TRIP12: variants seen among roughly 807,000 people sequenced by gnomAD.
TRIP12 encodes E3 ubiquitin-protein ligase TRIP12.
Under a neutral mutation model 244.2 loss-of-function variants are expected in TRIP12, and 25 were observed. That is an observed-to-expected ratio of 0.10 (90% CI 0.07 to 0.14). The LOEUF is 0.14. Ranked by LOEUF, TRIP12 falls within the 10% of genes least tolerant of loss-of-function variation. The probability of loss-of-function intolerance (pLI) is 1.00; values close to 1 mark genes in which losing one functional copy is unlikely to be tolerated. For missense variants in TRIP12, 1,677 were observed against 2,486.4 expected (o/e 0.67, Z 6.92); for synonymous variants, 905 against 873.1 (o/e 1.04, Z -0.64).
intron 9 of TRIP12, 28 bp downstream of exon 9, chr2:229,818,336 A>G: frequency 6.2e-7 from 1 of 1,610,404 alleles, no homozygotes; most frequent in Non-Finnish European, 8.5e-7. Flanking sequence ...CAAATGAGGT[A>G]AAAACGAGGG....
At chr2:229,808,865 C>G (rs768546487) in intron 15 of TRIP12, among the ~76,000 whole-genome samples, 17 of 152,162 alleles carry the variant, frequency 1.1e-4, no homozygotes, top group Non-Finnish European at 2.2e-4. Flanking sequence ...AAACTTGATA[C>G]AAGGATCAGG....
chr2:229,922,499 CGGTGGCGTCCCAA>C, upstream of TRIP12: 1 of 1,613,662 alleles, frequency 6.2e-7, no homozygotes, highest in Non-Finnish European at 8.5e-7. Context: ...TTAGCGACGG[CGGTGGCGTCCCAA>C]GATGGCGTCG....
chr2:229,907,928 T>C (rs550283542), intron 1 of TRIP12, among the ~76,000 whole-genome samples: 3 of 152,162 alleles, frequency 2.0e-5, no homozygotes, highest in East Asian at 1.9e-4. Flanking sequence ...AGGATATATA[T>C]ACTATTTTTA....
chr2:229,813,717 G>A (rs1299127462), intron 13 of TRIP12, among the ~76,000 whole-genome samples, 153 bp downstream of exon 13: 1 of 152,158 alleles, frequency 6.6e-6, no homozygotes, highest in African/African-American at 2.4e-5. Context: ...CCAGGAGGCG[G>A]AGGTGGCAGT....
intron 2 of TRIP12, among the ~76,000 whole-genome samples, chr2:229,864,047 AGTGTGTGTGT>A (rs371818159): frequency 3.2e-4 from 25 of 79,310 alleles, no homozygotes; most frequent in African/African-American, 1.0e-3. Flanking sequence ...AGAGAGAGAG[AGTGTGTGTGT>A]GTGTGTGTGT....
At chr2:229,871,267 A>G (rs934196801) in intron 2 of TRIP12, among the ~76,000 whole-genome samples, 1 of 152,348 alleles carries the variant, frequency 6.6e-6, no homozygotes, top group African/African-American at 2.4e-5. Context: ...TAATCCAAAC[A>G]TAAGTATGGT....
In TRIP12 at chr2:229,815,095, T is replaced by A. The variant is rs763284814; in HGVS notation, c.1731+4A>T. 6.2e-7 allele frequency: 1 copy of A among 1,606,132 alleles called. No individual in the cohort carries two copies. Among genetic ancestry groups the A allele is most frequent in the Non-Finnish European group, 8.5e-7 (1 of 1,176,804 alleles). On this transcript the variant is annotated splice_donor_region_variant and intron_variant, in intron 11 of 41. Coordinates refer to ENST00000675903, the MANE Select transcript of TRIP12 (RefSeq NM_001348323.3). ...TTGAACAAACGGGGTAAAAGTAGGA[T>A]CACCTTTTCTAAAAAGACAGGAATA...
chr2:229,823,633 G>A (rs1344080049), intron 8 of TRIP12, among the ~76,000 whole-genome samples: 2 of 150,792 alleles, frequency 1.3e-5, no homozygotes, highest in Non-Finnish European at 3.0e-5. Context: ...CTGAGATCGC[G>A]CCACTGCACT....
In TRIP12 at chr2:229,767,434, C is replaced by G. The variant is rs2032141635; in HGVS notation, c.*120G>C. 8.2e-7 allele frequency: 1 copy of G among 1,213,614 alleles called. No homozygotes were observed. The highest frequency in any genetic ancestry group is 2.7e-5 in the Admixed American group (1 of 36,878). 75.2% of individuals were successfully genotyped at this position (1,213,614 alleles called of 1,614,324 possible). On this transcript the variant is annotated 3_prime_UTR_variant, in exon 42 of 42. Coordinates refer to ENST00000675903, the MANE Select transcript of TRIP12 (RefSeq NM_001348323.3). ...CAAATGTCTCTTTATAATCTGCAAG[C>G]CGTTTTTCCTACAACAAGAAGGCGT...
At chr2:229,803,769 G>C (rs1317194394) in intron 19 of TRIP12, 80 bp from the exon 20 acceptor site, 1 of 1,066,690 alleles carries the variant, frequency 9.4e-7, no homozygotes, top group Non-Finnish European at 1.4e-6. Context: ...TAAATTGAGA[G>C]CAAAGCATTT....
intron 4 of TRIP12, among the ~76,000 whole-genome samples, chr2:229,845,050 T>C (rs1559810450): frequency 6.6e-6 from 1 of 152,196 alleles, no homozygotes; most frequent in Non-Finnish European, 1.5e-5. Context: ...GACAGGTATA[T>C]AACCCAAGGA....
chr2:229,825,591 G>A (rs1261359676), intron 8 of TRIP12, among the ~76,000 whole-genome samples: 1 of 152,132 alleles, frequency 6.6e-6, no homozygotes, highest in African/African-American at 2.4e-5. Context: ...GTGCCAACAG[G>A]GGAAATGCCA....
chr2:229,881,528 T>C (rs1029180329), intron 1 of TRIP12, among the ~76,000 whole-genome samples: 1 of 152,206 alleles, frequency 6.6e-6, no homozygotes, highest in African/African-American at 2.4e-5. Context: ...AATAAGAAAG[T>C]AGTTTTCTTT....
At chr2:229,917,380 CAAAAAAAAAAAAAAAAAAAAAA>C (rs60397605) in intron 1 of TRIP12, among the ~76,000 whole-genome samples, 88 of 29,268 alleles carry the variant, frequency 3.0e-3, no homozygotes, top group African/African-American at 9.4e-3. Context: ...GACTCTGTCT[CAAAAAAAAAAAAAAAAAAAAAA>C]AAAAAAAAAA....
At chr2:229,803,505 G>A (rs2045025793) in intron 20 of TRIP12, 66 bp downstream of exon 20, 1 of 1,081,514 alleles carries the variant, frequency 9.2e-7, no homozygotes, top group Non-Finnish European at 1.4e-6. Flanking sequence ...TTGCTCGACA[G>A]ATTAAAACTT....
intron 1 of TRIP12, among the ~76,000 whole-genome samples, chr2:229,904,600 G>C (rs2072141183): frequency 1.3e-5 from 2 of 151,864 alleles, no homozygotes; most frequent in Admixed American, 6.6e-5. Flanking sequence ...TAGAAGGAAA[G>C]ACTACATACA....
intron 4 of TRIP12, among the ~76,000 whole-genome samples, chr2:229,850,809 G>C (rs1480104465): frequency 1.3e-5 from 2 of 152,232 alleles, no homozygotes; most frequent in Non-Finnish European, 2.9e-5. Context: ...CCCCACACTC[G>C]GAGGAGCAGC....
At chr2:229,863,398 G>T (rs1000686824) in intron 2 of TRIP12, among the ~76,000 whole-genome samples, 2 of 151,938 alleles carry the variant, frequency 1.3e-5, no homozygotes, top group Non-Finnish European at 1.5e-5. Flanking sequence ...TAGCCCATGG[G>T]ACTTAATACA....
intron 33 of TRIP12, among the ~76,000 whole-genome samples, chr2:229,786,564 A>ATTTTTTTTT (rs34969936): frequency 3.8e-5 from 3 of 78,010 alleles, no homozygotes; most frequent in Non-Finnish European, 4.5e-5. Flanking sequence ...CGCCCAGATA[A>ATTTTTTTTT]TTTTTTTTTT....
Sources: gnomAD v4.1 joint callset for allele counts (sites outside exome capture counted in the v4.1 genomes callset) on GRCh38, gnomAD v4.1.1 for gene constraint, MANE v1.5 for transcripts, NCBI Gene and HGNC (gene_info 2026-07-23, HGNC 2026-07-21) for gene names.